ABCB1: variants seen among roughly 807,000 people sequenced by gnomAD.
ABCB1 encodes the protein ATP-dependent translocase ABCB1.
In ABCB1, 69 loss-of-function variants were observed where a neutral mutation model predicts 142.0. The observed-to-expected ratio is 0.49, with a 90% confidence interval of 0.40 to 0.59. ABCB1 has a LOEUF of 0.59. Among genes scored for constraint, ABCB1 ranks in the 20% least tolerant of loss-of-function variants. The pLI, the probability that ABCB1 is intolerant of heterozygous loss-of-function variation, is 0.00. For missense variants in ABCB1, 1,326 were observed against 1,554.7 expected (o/e 0.85, Z 2.47); for synonymous variants, 532 against 539.2 (o/e 0.99, Z 0.18).
chr7:87,550,633 A>T (rs1817019243), intron 10 of ABCB1, 55 bp from the exon 11 acceptor site: 3 of 1,582,566 alleles, frequency 1.9e-6, no homozygotes, highest in African/African-American at 1.3e-5. Flanking sequence ...ACTTTTAGTG[A>T]TATTTTGTGG....
intron 24 of ABCB1, among the ~76,000 whole-genome samples, chr7:87,515,976 T>C (rs918496459): frequency 6.6e-6 from 1 of 152,218 alleles, no homozygotes; most frequent in Non-Finnish European, 1.5e-5. Context: ...AATATGAATA[T>C]GCAATACAGC....
intron 5 of ABCB1, among the ~76,000 whole-genome samples, chr7:87,568,811 T>A (rs904333076): frequency 7.2e-5 from 11 of 152,230 alleles, no homozygotes; most frequent in Admixed American, 7.2e-4. Flanking sequence ...TCTATCTAAG[T>A]GTTCATTATA....
At chr7:87,521,512 A>G (rs1584842626) in intron 21 of ABCB1, 1 of 753,580 alleles carries the variant, frequency 1.3e-6, no homozygotes, top group African/African-American at 1.7e-5. Flanking sequence ...GAAATTCTTC[A>G]TTGGAGGTTG....
chr7:87,678,535 AG>A (rs1826606387), intron 1 of ABCB1, among the ~76,000 whole-genome samples: 1 of 152,198 alleles, frequency 6.6e-6, no homozygotes, highest in South Asian at 2.1e-4. Context: ...TCCAAAAAGA[AG>A]GTGGTGAAAA....
chr7:87,677,449 A>G (rs966730173), intron 1 of ABCB1, among the ~76,000 whole-genome samples: 1 of 152,140 alleles, frequency 6.6e-6, no homozygotes, highest in Non-Finnish European at 1.5e-5. Context: ...GATCTCATGT[A>G]TTAGATATGG....
Position 87,676,703 on chromosome 7 carries a change from C to CAA in ABCB1, c.-331+36456_-331+36457dup, listed in dbSNP as rs57480483. On this transcript the variant is annotated intron_variant, in intron 1 of 28. Transcript: ENST00000265724. Reference sequence around the variant, plus strand: ...TGGGCAACAGAGCAAGACCCTGTCTCAAAAAAAAAAAAAAAAAAAAAAAAA... The same window carrying CAA: ...TGGGCAACAGAGCAAGACCCTGTCTCAAAAAAAAAAAAAAAAAAAAAAAAAAA... 1.5e-3 allele frequency among the ~76,000 whole-genome samples: 70 copies of CAA among 45,398 alleles called. 2 individuals are homozygous for CAA. Among genetic ancestry groups the CAA allele is most frequent in the African/African-American group, 2.4e-3 (31 of 12,910 alleles). The allele number at this position is 45,398 out of a possible 152,430, so 29.8% of individuals were successfully genotyped here. A position where few individuals can be genotyped will look rare whatever the true frequency, so the allele number is the denominator to read the frequency against.
At chr7:87,627,130 A>G (rs1157742172) in intron 1 of ABCB1, among the ~76,000 whole-genome samples, 2 of 152,200 alleles carry the variant, frequency 1.3e-5, no homozygotes, top group Non-Finnish European at 2.9e-5. Flanking sequence ...ATGGTAGCTG[A>G]AAAGGATGAT....
intron 17 of ABCB1, among the ~76,000 whole-genome samples, chr7:87,542,017 G>C (rs1389698421): frequency 6.6e-6 from 1 of 152,146 alleles, no homozygotes; most frequent in Non-Finnish European, 1.5e-5. Flanking sequence ...ATTTTTTCCA[G>C]AGATAGTTAT....
intron 1 of ABCB1, among the ~76,000 whole-genome samples, chr7:87,625,647 C>T (rs767186380): frequency 2.4e-4 from 37 of 152,274 alleles, no homozygotes; most frequent in Non-Finnish European, 4.1e-4. Context: ...CCTGCATAAC[C>T]AGTGCATCTG....
At chr7:87,510,065 C>G (rs994367896) in intron 25 of ABCB1, among the ~76,000 whole-genome samples, 17 of 152,246 alleles carry the variant, frequency 1.1e-4, no homozygotes, top group Admixed American at 3.3e-4. Context: ...TATGAGCCCA[C>G]TGAGACCTAT....
At chr7:87,550,607 C>G in intron 10 of ABCB1, 29 bp from the exon 11 acceptor site, 2 of 1,600,122 alleles carry the variant, frequency 1.2e-6, no homozygotes, top group Non-Finnish European at 1.7e-6. Flanking sequence ...TAAGAGATTA[C>G]TAGGTTACAA....
chr7:87,508,052 A>G (rs1455973070), intron 26 of ABCB1, among the ~76,000 whole-genome samples: 1 of 152,166 alleles, frequency 6.6e-6, no homozygotes, highest in Non-Finnish European at 1.5e-5. Context: ...CCTAGGTGAC[A>G]GGATCATTTG....
chr7:87,519,423 A>G lies in ABCB1; in HGVS notation c.2830T>C (p.Phe944Leu). 2 of 1,614,178 alleles carry G rather than the reference A, an allele frequency of 1.2e-6. No homozygotes were observed. The highest frequency in any genetic ancestry group is 1.7e-6 in the Non-Finnish European group (2 of 1,179,982). Residue 944 changes from phenylalanine (F) to leucine (L), a missense_variant, in exon 23 of 28, where the codon TTC becomes CTC. Transcript: ENST00000622132. ...KAHIFGITFS[F>L]TQAMMYFSYA... Reference sequence around the variant, plus strand: ...GAAAAATACATCATTGCCTGGGTGAAGGAAAATGTAATTCCAAAGATGTGT... The same window carrying G: ...GAAAAATACATCATTGCCTGGGTGAGGGAAAATGTAATTCCAAAGATGTGT...
rs1227646611 is a variant in ABCB1 at position 87,550,815 on chromosome 7, C to A, written c.1023G>T (p.Gly341=). ...GAGATGCCTGTCCAACACTAAAAGC[C>A]CCAATTAATACAGAAAAGAATACCT... ...VLTVFFSVLI[G]AFSVGQASPS... Residue 341 remains glycine (G), a synonymous_variant, in exon 10 of 28, where the codon GGG becomes GGT. Transcript: ENST00000622132. 2 of 1,612,342 alleles carry A rather than the reference C, an allele frequency of 1.2e-6. No homozygotes were observed. Among genetic ancestry groups the A allele is most frequent in the South Asian group, 2.2e-5 (2 of 91,052 alleles).
chr7:87,571,881 G>C (rs1415806290), intron 4 of ABCB1, among the ~76,000 whole-genome samples: 1 of 152,106 alleles, frequency 6.6e-6, no homozygotes, highest in Non-Finnish European at 1.5e-5. Context: ...CAGCAGATAG[G>C]GAGAAAACAG....
intron 1 of ABCB1, among the ~76,000 whole-genome samples, chr7:87,641,082 A>G (rs1008216518): frequency 6.6e-6 from 1 of 151,878 alleles, no homozygotes; most frequent in Non-Finnish European, 1.5e-5. Flanking sequence ...CTTTTGTCAC[A>G]TCTAGAATGT....
intron 20 of ABCB1, among the ~76,000 whole-genome samples, chr7:87,536,121 G>A (rs1192728093): frequency 1.3e-5 from 2 of 152,034 alleles, no homozygotes; most frequent in Non-Finnish European, 2.9e-5. Flanking sequence ...CTTTCTTACA[G>A]CAATTAAATA....
intron 1 of ABCB1, among the ~76,000 whole-genome samples, chr7:87,688,921 A>T (rs1442907040): frequency 6.6e-6 from 1 of 152,008 alleles, no homozygotes; most frequent in Non-Finnish European, 1.5e-5. Context: ...ACCAAACTAG[A>T]ATTTTCAAGG....
intron 1 of ABCB1, among the ~76,000 whole-genome samples, chr7:87,678,899 G>A (rs189101897): frequency 7.6e-4 from 115 of 152,212 alleles, no homozygotes; most frequent in African/African-American, 2.7e-3. Context: ...AAGTATGTAT[G>A]CAGCTGATAA....
Sources: gnomAD v4.1 joint callset for allele counts (sites outside exome capture counted in the v4.1 genomes callset) on GRCh38, gnomAD v4.1.1 for gene constraint, MANE v1.5 for transcripts, NCBI Gene and HGNC (gene_info 2026-07-23, HGNC 2026-07-21) for gene names.